The following KCNH8 variants were observed in gnomAD, a reference collection of about 807,000 sequenced individuals.
The protein encoded by KCNH8 is potassium voltage-gated channel subfamily H member 8, also known as voltage-gated delayed rectifier potassium channel KCNH8.
In KCNH8, 70 loss-of-function variants were observed where a neutral mutation model predicts 103.6. The observed-to-expected ratio is 0.68, with a 90% CI of 0.56 to 0.82. KCNH8 has a LOEUF of 0.82. Ranked by LOEUF, KCNH8 falls within the 40% of genes least tolerant of loss-of-function variation. KCNH8 has a pLI of 0.00. For synonymous variants in KCNH8, 498 were observed against 489.4 expected (o/e 1.02, Z -0.23); for missense variants, 1,217 against 1,329.9 (o/e 0.92, Z 1.32).
At chr3:19,182,748 A>G (rs977645656) in intron 1 of KCNH8, among the ~76,000 whole-genome samples, 4 of 152,236 alleles carry the variant, frequency 2.6e-5, no homozygotes, top group African/African-American at 7.2e-5. Flanking sequence ...GTAAGAACAG[A>G]ATGAGTTCTG....
chr3:19,215,396 A>G lies in KCNH8; in HGVS notation c.77-38258A>G, dbSNP rs1179449450. Among the ~76,000 whole-genome samples, 3 of 152,206 alleles carry G rather than the reference A, an allele frequency of 2.0e-5. No individual in the cohort carries two copies. The East Asian group carries it at 5.8e-4, about 29-fold the overall frequency. On this transcript the variant is annotated intron_variant, in intron 1 of 15. Transcript: ENST00000328405. ...TGTTGCTCAGAGACCTGGGAGAACC[A>G]TGAGGACCTAGATTTATGAGAGATT... is the stretch of plus-strand genomic sequence containing the variant.
At chr3:19,306,503 G>C (rs1443917027) in intron 3 of KCNH8, among the ~76,000 whole-genome samples, 1 of 152,112 alleles carries the variant, frequency 6.6e-6, no homozygotes, top group Non-Finnish European at 1.5e-5. Flanking sequence ...CTGCATGCCA[G>C]GCAATATGCT....
At chr3:19,411,316 C>T (rs572075460) in intron 7 of KCNH8, among the ~76,000 whole-genome samples, 168 of 152,044 alleles carry the variant, frequency 1.1e-3, no homozygotes, top group Middle Eastern at 3.4e-3. Context: ...AGTCAAACAT[C>T]CTTTTGTTAC....
intron 1 of KCNH8, 64 bp from the exon 2 acceptor site, chr3:19,253,589 AG>A: frequency 4.9e-6 from 6 of 1,234,984 alleles, no homozygotes; most frequent in South Asian, 1.2e-5. Flanking sequence ...TAATTTATAC[AG>A]GAATTGTGTA....
chr3:19,159,299 TATATATGTAAA>T (rs1351143833), intron 1 of KCNH8, among the ~76,000 whole-genome samples: 2 of 151,734 alleles, frequency 1.3e-5, no homozygotes, highest in East Asian at 3.9e-4. Context: ...TATAGAGAGA[TATATATGTAAA>T]AATATATATA....
At chr3:19,212,076 T>TATTC (rs112362191) in intron 1 of KCNH8, among the ~76,000 whole-genome samples, 4,156 of 152,266 alleles carry the variant, frequency 0.027, 166 homozygotes, top group African/African-American at 0.092. Context: ...TCATGAGCTT[T>TATTC]ATTCATGGTG....
At position 19,348,078 on chromosome 3, in the gene KCNH8, C is replaced by G. The variant is rs1006052121; in HGVS notation, c.811+113C>G. 8 of 1,304,306 alleles carry G rather than the reference C, an allele frequency of 6.1e-6. No individual in the cohort carries two copies. In the African/African-American group the frequency reaches 1.0e-4, roughly 17 times the overall value. The allele number at this position is 1,304,306 out of a possible 1,614,324, so 80.8% of individuals were successfully genotyped here. On this transcript the variant is annotated intron_variant, in intron 5 of 15. Coordinates refer to ENST00000328405, the MANE Select transcript of KCNH8 (RefSeq NM_144633.3). ...ATCCATTTGCATGGGCTTGATTCAG[C>G]CTCTGTTGCAAATTTTGGAGAAGCA...
At chr3:19,408,742 C>G (rs768530562) in intron 7 of KCNH8, among the ~76,000 whole-genome samples, 13 of 152,048 alleles carry the variant, frequency 8.5e-5, no homozygotes, top group Non-Finnish European at 1.6e-4. Context: ...TATCAATAGA[C>G]TGGATGAAGT....
intron 7 of KCNH8, among the ~76,000 whole-genome samples, chr3:19,407,966 A>G (rs76673494): frequency 0.06 from 9,149 of 152,084 alleles, 605 homozygotes; most frequent in East Asian, 0.24. Context: ...CCATCAGGGA[A>G]CCTGCTGGCA....
At chr3:19,262,052 AC>A (rs2064443610) in intron 2 of KCNH8, among the ~76,000 whole-genome samples, 1 of 150,384 alleles carries the variant, frequency 6.6e-6, no homozygotes, top group East Asian at 1.9e-4. Flanking sequence ...AATGCTTCTA[AC>A]CTTTTTTTTT....
At chr3:19,359,181 G>A (rs1251861153) in intron 5 of KCNH8, among the ~76,000 whole-genome samples, 1 of 151,740 alleles carries the variant, frequency 6.6e-6, no homozygotes, top group Non-Finnish European at 1.5e-5. Context: ...TTGGAAAAAA[G>A]ATCTGTTATG....
chr3:19,404,737 T>G (rs982536928), intron 7 of KCNH8, among the ~76,000 whole-genome samples: 1 of 152,008 alleles, frequency 6.6e-6, no homozygotes, highest in African/African-American at 2.4e-5. Flanking sequence ...TGTGATCTAC[T>G]GACTTGAGGT....
intron 1 of KCNH8, among the ~76,000 whole-genome samples, chr3:19,173,790 C>CT (rs2063371307): frequency 6.6e-6 from 1 of 152,076 alleles, no homozygotes; most frequent in African/African-American, 2.4e-5. Context: ...AACTGATTCT[C>CT]TTGATTATTG....
chr3:19,498,165 T>C (rs2068485916), intron 11 of KCNH8, among the ~76,000 whole-genome samples: 4 of 152,176 alleles, frequency 2.6e-5, no homozygotes, highest in Admixed American at 2.6e-4. Flanking sequence ...GAAGATGGCA[T>C]ACCAGGGTGT....
At chr3:19,285,088 T>C (rs1330395906) in intron 3 of KCNH8, among the ~76,000 whole-genome samples, 1 of 151,898 alleles carries the variant, frequency 6.6e-6, no homozygotes, top group South Asian at 2.1e-4. Flanking sequence ...ATTGTTTCCT[T>C]TGAGTGAAGG....
chr3:19,362,647 A>ATTTGTT (rs372406895), intron 5 of KCNH8, among the ~76,000 whole-genome samples: 3 of 152,052 alleles, frequency 2.0e-5, no homozygotes, highest in East Asian at 3.9e-4. Context: ...TTTCCTCAGT[A>ATTTGTT]TTTGTTTTTG....
At chr3:19,391,475 A>G (rs2066437029) in intron 6 of KCNH8, among the ~76,000 whole-genome samples, 1 of 152,044 alleles carries the variant, frequency 6.6e-6, no homozygotes, top group Non-Finnish European at 1.5e-5. Context: ...TTAATCAGAT[A>G]TTCTAGTCAA....
chr3:19,187,226 T>C (rs2063511065), intron 1 of KCNH8, among the ~76,000 whole-genome samples: 1 of 151,882 alleles, frequency 6.6e-6, no homozygotes, highest in Non-Finnish European at 1.5e-5. Context: ...ATAACTAAAA[T>C]CAGCACAGAT....
intron 11 of KCNH8, among the ~76,000 whole-genome samples, chr3:19,459,576 C>G (rs1239179649): frequency 6.6e-6 from 1 of 151,896 alleles, no homozygotes; most frequent in East Asian, 1.9e-4. Context: ...TTGATTGTTC[C>G]TTTTCTGTGC....
Sources: allele counts gnomAD v4.1 joint callset (sites outside exome capture counted in the v4.1 genomes callset), GRCh38; gene constraint gnomAD v4.1.1; transcripts MANE v1.5; gene names NCBI Gene and HGNC (gene_info 2026-07-23, HGNC 2026-07-21).